DPYD: variants seen among roughly 807,000 people sequenced by gnomAD.
DPYD encodes dihydropyrimidine dehydrogenase, also known as dihydropyrimidine dehydrogenase [NADP(+)].
A neutral mutation model predicts 116.2 loss-of-function variants in DPYD; 109 were observed. The observed-to-expected ratio is 0.94, with a 90% CI of 0.80 to 1.10. The LOEUF is 1.10. Among genes scored for constraint, DPYD ranks in the 50% least tolerant of loss-of-function variants. The pLI, the probability that DPYD is intolerant of heterozygous loss-of-function variation, is 0.00. For synonymous variants in DPYD, 440 were observed against 432.0 expected (o/e 1.02, Z -0.23); for missense variants, 1,302 against 1,254.5 (o/e 1.04, Z -0.57).
At position 97,724,408 on chromosome 1, in the gene DPYD, C is replaced by T. The variant is rs903524029; in HGVS notation, c.322-2737G>A. ...AAACTGGTACACAATTAAGAACCTG[C>T]AAATTTCCAAGATCTGCAATTTGAG... On this transcript the variant is annotated intron_variant, in intron 4 of 22. Coordinates refer to ENST00000370192, the MANE Select transcript of DPYD (RefSeq NM_000110.4). Among the ~76,000 whole-genome samples the T allele has an allele frequency of 5.3e-5, 8 of 149,818 alleles. No homozygotes were observed. In the East Asian group the frequency reaches 1.6e-3, roughly 30 times the overall value.
At chr1:97,354,390 C>A (rs1157010818) in intron 16 of DPYD, among the ~76,000 whole-genome samples, 1 of 152,088 alleles carries the variant, frequency 6.6e-6, no homozygotes, top group Non-Finnish European at 1.5e-5. Flanking sequence ...CTCCAAACTC[C>A]TATAGTAAAA....
rs761223240 is a variant in DPYD, at chr1:97,679,048, T to TA, written c.850+46dup. The TA allele has an allele frequency of 2.8e-5, 27 of 950,776 alleles. No individual in the cohort carries two copies. In the East Asian group the frequency reaches 3.9e-4, roughly 14 times the overall value. 58.9% of individuals were successfully genotyped at this position (950,776 alleles called of 1,614,324 possible). ...CATTCTTCTGGATATTGCTAGGAAA[T>TA]AAAAAAATACATTATAAATAAATAT... is the stretch of plus-strand genomic sequence containing the variant. On this transcript the variant is annotated intron_variant, in intron 8 of 22. Transcript: ENST00000370192.
At chr1:97,424,694 C>T (rs1197998381) in intron 14 of DPYD, among the ~76,000 whole-genome samples, 8 of 151,854 alleles carry the variant, frequency 5.3e-5, no homozygotes, top group African/African-American at 2.4e-5. Flanking sequence ...CTCCAGAAAC[C>T]GATACTAGCA....
intron 19 of DPYD, among the ~76,000 whole-genome samples, chr1:97,206,646 A>ATGTATGTGTG (rs10651231): frequency 9.5e-4 from 40 of 41,998 alleles, no homozygotes; most frequent in African/African-American, 8.7e-3. Context: ...TTTTATATAT[A>ATGTATGTGTG]TATATATATA....
chr1:97,290,319 G>C (rs1456341204), intron 18 of DPYD, among the ~76,000 whole-genome samples: 1 of 151,804 alleles, frequency 6.6e-6, no homozygotes, highest in Admixed American at 6.6e-5. Context: ...TTTCTTCACA[G>C]AATTGGAAAA....
chr1:97,603,995 G>A (rs1021906525), intron 8 of DPYD, among the ~76,000 whole-genome samples: 2 of 152,148 alleles, frequency 1.3e-5, no homozygotes, highest in Non-Finnish European at 2.9e-5. Flanking sequence ...AATTACTCAT[G>A]TATGCTCTGG....
At chr1:97,407,918 T>C (rs1402250662) in intron 14 of DPYD, among the ~76,000 whole-genome samples, 1 of 152,144 alleles carries the variant, frequency 6.6e-6, no homozygotes, top group Non-Finnish European at 1.5e-5. Flanking sequence ...CCTGGCCATT[T>C]TGGGCTACCT....
intron 10 of DPYD, among the ~76,000 whole-genome samples, chr1:97,578,281 C>A (rs1329466795): frequency 2.0e-5 from 3 of 152,052 alleles, no homozygotes; most frequent in Non-Finnish European, 4.4e-5. Context: ...TTACCTGTAA[C>A]TCAATCTTCA....
At chr1:97,728,043 T>A (rs553123687) in intron 4 of DPYD, among the ~76,000 whole-genome samples, 4 of 152,056 alleles carry the variant, frequency 2.6e-5, no homozygotes, top group African/African-American at 2.4e-5. Context: ...CAGTGTTCCA[T>A]CATGTGAGGA....
At chr1:97,514,710 A>G (rs1304045396) in intron 13 of DPYD, among the ~76,000 whole-genome samples, 2 of 151,454 alleles carry the variant, frequency 1.3e-5, no homozygotes, top group East Asian at 1.9e-4. Context: ...TTTTTCCTGC[A>G]CTGTTTTTTT....
chr1:97,828,409 ATTATCAATTTTTCAAAGTGGAGTTTCG>A (rs1420513399), intron 2 of DPYD, among the ~76,000 whole-genome samples: 2 of 152,214 alleles, frequency 1.3e-5, no homozygotes, highest in African/African-American at 2.4e-5. Context: ...CAGAAGTCTC[ATTATCAATTTTTCAAAGTGGAGTTTCG>A]TTATCAATTT....
At chr1:97,237,519 G>T (rs1557962478) in intron 18 of DPYD, among the ~76,000 whole-genome samples, 1 of 152,058 alleles carries the variant, frequency 6.6e-6, no homozygotes, top group East Asian at 1.9e-4. Flanking sequence ...TTAGAAACCG[G>T]ACATTAAGAT....
intron 14 of DPYD, among the ~76,000 whole-genome samples, chr1:97,407,787 T>C (rs1673751791): frequency 6.6e-6 from 1 of 152,048 alleles, no homozygotes; most frequent in Admixed American, 6.6e-5. Flanking sequence ...TAGCAAAAGT[T>C]TTCCTTCCTG....
rs5776377 is a variant in DPYD, at chr1:97,729,389, CTG to C, written c.322-7720_322-7719del. Reference sequence around the variant, plus strand: ...CATATTTATATTATGCATTTTTTAACTGTGCATGGATAAGATGCCTATTCCAT... The same window carrying C: ...CATATTTATATTATGCATTTTTTAACTGCATGGATAAGATGCCTATTCCAT... On this transcript the variant is annotated intron_variant, in intron 4 of 22. Coordinates refer to ENST00000370192, the MANE Select transcript of DPYD (RefSeq NM_000110.4). Among the ~76,000 whole-genome samples the C allele has an allele frequency of 1.7e-3, 260 of 152,212 alleles. 3 individuals are homozygous for C. Among genetic ancestry groups the C allele is most frequent in the African/African-American group, 5.8e-3 (242 of 41,550 alleles).
At chr1:97,805,389 A>T (rs74105502) in intron 3 of DPYD, among the ~76,000 whole-genome samples, 4,681 of 151,956 alleles carry the variant, frequency 0.031, 235 homozygotes, top group African/African-American at 0.1. Context: ...AATATAGGGG[A>T]AAAAAGACAG....
At chr1:97,563,622 G>T (rs1023191560) in intron 11 of DPYD, among the ~76,000 whole-genome samples, 17 of 152,146 alleles carry the variant, frequency 1.1e-4, no homozygotes, top group Admixed American at 7.9e-4. Flanking sequence ...GGAAAATAAA[G>T]ATAAGGAAAG....
At chr1:97,369,280 A>C (rs1166397450) in intron 16 of DPYD, among the ~76,000 whole-genome samples, 2 of 152,160 alleles carry the variant, frequency 1.3e-5, no homozygotes, top group Non-Finnish European at 2.9e-5. Flanking sequence ...TACACCAGAG[A>C]AGCACCTTGA....
At chr1:97,858,724 C>G (rs970070387) in intron 2 of DPYD, among the ~76,000 whole-genome samples, 7 of 151,974 alleles carry the variant, frequency 4.6e-5, no homozygotes, top group African/African-American at 1.7e-4. Context: ...ACATACAAGC[C>G]TTTGGGGAAA....
At chr1:97,655,125 A>G (rs1171143328) in intron 8 of DPYD, among the ~76,000 whole-genome samples, 1 of 152,176 alleles carries the variant, frequency 6.6e-6, no homozygotes, top group Non-Finnish European at 1.5e-5. Context: ...ATCAGCTACC[A>G]CAACAGAAAT....
Sources: allele counts gnomAD v4.1 joint callset (sites outside exome capture counted in the v4.1 genomes callset), GRCh38; gene constraint gnomAD v4.1.1; transcripts MANE v1.5; gene names NCBI Gene and HGNC (gene_info 2026-07-23, HGNC 2026-07-21).